Variants in ETV6 observed in about 807,000 individuals in gnomAD.
ETV6 encodes ETS variant transcription factor 6, also known as transcription factor ETV6.
ETV6 carries 16 observed loss-of-function variants against 51.1 expected under a neutral mutation model. That is an observed-to-expected ratio of 0.31 (90% confidence interval 0.21 to 0.48). ETV6 has a LOEUF of 0.48. Ranked by LOEUF, ETV6 falls within the 20% of genes least tolerant of loss-of-function variation. The probability of loss-of-function intolerance (pLI) is 0.99; values close to 1 mark genes in which losing one functional copy is unlikely to be tolerated. For synonymous variants in ETV6, 240 were observed against 224.1 expected, an observed-to-expected ratio of 1.07 and a Z score of -0.64; for missense variants, 458 against 594.8, an observed-to-expected ratio of 0.77 and a Z score of 2.39.
At chr12:11,675,538 A>G (rs905849334) in intron 1 of ETV6, among the ~76,000 whole-genome samples, 3 of 152,216 alleles carry the variant, frequency 2.0e-5, no homozygotes, top group Non-Finnish European at 2.9e-5. Flanking sequence ...TTGACCAGGT[A>G]TGGTGGCTCA....
rs775423897 is a variant in ETV6, at chr12:11,885,967, G to C, written c.1194G>C (p.Leu398=). ...NMTYEKMSRA[L]RHYYKLNIIR... is the part of the protein sequence containing the mutation. ...CCTATGAGAAAATGTCCAGAGCCCTGCGCCACTACTACAAACTAAACATTA... is the reference window on the plus strand; with the variant it reads ...CCTATGAGAAAATGTCCAGAGCCCTCCGCCACTACTACAAACTAAACATTA... Residue 398 remains leucine (L), a synonymous_variant, in exon 7 of 8, where the codon CTG becomes CTC. Transcript: ENST00000396373. The C allele has an allele frequency of 1.1e-5, 17 of 1,614,124 alleles. No homozygotes were observed. In the South Asian group the frequency reaches 1.4e-4, roughly 14 times the overall value.
intron 2 of ETV6, among the ~76,000 whole-genome samples, chr12:11,759,985 A>G (rs2136335915): frequency 6.6e-6 from 1 of 152,308 alleles, no homozygotes; most frequent in East Asian, 1.9e-4. Context: ...TCAGAGGTAA[A>G]CGTTAGCAGC....
chr12:11,679,047 A>G (rs186656735), intron 1 of ETV6, among the ~76,000 whole-genome samples: 2 of 152,368 alleles, frequency 1.3e-5, no homozygotes, highest in South Asian at 2.1e-4. Flanking sequence ...TGGGCACCCC[A>G]TAATCCGAGT....
chr12:11,763,854 T>C (rs540453123), intron 2 of ETV6, among the ~76,000 whole-genome samples: 23 of 152,374 alleles, frequency 1.5e-4, no homozygotes, highest in African/African-American at 5.5e-4. Context: ...AGAAAGTGGC[T>C]GCCTTCTAAA....
rs192456703 is a variant in ETV6 at position 11,819,331 on chromosome 12, C to T, written c.164-19809C>T. ...ATACCACTGTCCTCTGACTTGTCCC[C>T]GGTCTTGTCCCCTGCTGTTCCCTCC... On this transcript the variant is annotated intron_variant, in intron 2 of 7. Transcript: ENST00000396373. Among the ~76,000 whole-genome samples the T allele has an allele frequency of 4.5e-4, 69 of 152,306 alleles. 1 individual carries two copies. In the East Asian group the frequency reaches 0.013, roughly 28 times the overall value.
At chr12:11,840,407 C>G (rs764380523) in intron 3 of ETV6, 20 of 455,884 alleles carry the variant, frequency 4.4e-5, no homozygotes, top group Non-Finnish European at 8.8e-5. Flanking sequence ...ATGCCTCTTG[C>G]GGGATTAATT....
Position 11,650,039 on chromosome 12 carries a change from C to G in ETV6, c.-89C>G. ...GAAGAAACTTCTTAAATGACCGCGT[C>G]TGGCTGGCCGTGGAGCCTTTCTGGG... On this transcript the variant is annotated 5_prime_UTR_variant, in exon 1 of 8. Coordinates refer to ENST00000396373, the MANE Select transcript of ETV6 (RefSeq NM_001987.5). 8.3e-7 allele frequency: 1 copy of G among 1,203,588 alleles called. No homozygotes were observed. Among genetic ancestry groups the G allele is most frequent in the Non-Finnish European group, 1.2e-6 (1 of 809,196 alleles). 74.6% of individuals were successfully genotyped at this position (1,203,588 alleles called of 1,614,324 possible).
At chr12:11,763,743 C>T (rs1325752327) in intron 2 of ETV6, among the ~76,000 whole-genome samples, 4 of 152,228 alleles carry the variant, frequency 2.6e-5, no homozygotes, top group Admixed American at 6.5e-5. Flanking sequence ...GGGAAAAGAA[C>T]TTGAAATACA....
At chr12:11,724,203 A>G (rs57222202) in intron 1 of ETV6, among the ~76,000 whole-genome samples, 8,015 of 152,244 alleles carry the variant, frequency 0.053, 682 homozygotes, top group African/African-American at 0.18. Context: ...TTTCCCCTTG[A>G]CAGGTCCTGA....
chr12:11,790,630 A>G (rs917886652), intron 2 of ETV6, among the ~76,000 whole-genome samples: 40 of 126,474 alleles, frequency 3.2e-4, no homozygotes, highest in Admixed American at 4.7e-4. Context: ...TTAATCTTTC[A>G]TATAATTTCC....
chr12:11,664,536 C>T (rs1864159615), intron 1 of ETV6, among the ~76,000 whole-genome samples: 1 of 152,086 alleles, frequency 6.6e-6, no homozygotes, highest in Non-Finnish European at 1.5e-5. Context: ...ATGGTTCTGT[C>T]AAGTCACCTC....
intron 1 of ETV6, among the ~76,000 whole-genome samples, chr12:11,651,543 T>C (rs528497989): frequency 2.6e-5 from 4 of 152,346 alleles, no homozygotes; most frequent in Admixed American, 2.6e-4. Flanking sequence ...CTTTTGTGTT[T>C]GTACATAACT....
Position 11,793,331 on chromosome 12 carries a change from G to T in ETV6, c.163+40752G>T, listed in dbSNP as rs189681633. Among the ~76,000 whole-genome samples, 3 of 152,350 alleles carry T rather than the reference G, an allele frequency of 2.0e-5. No individual in the cohort carries two copies. In the East Asian group the frequency reaches 5.8e-4, roughly 29 times the overall value. On this transcript the variant is annotated intron_variant, in intron 2 of 7. Coordinates refer to ENST00000396373, the MANE Select transcript of ETV6 (RefSeq NM_001987.5). ...CCAACGGCAAGCTTGCTCATGAGTG[G>T]TGGAGCTCCCCTGTTCATTTAACCA...
intron 1 of ETV6, among the ~76,000 whole-genome samples, chr12:11,665,120 A>G (rs1864171140): frequency 6.6e-6 from 1 of 152,108 alleles, no homozygotes; most frequent in Admixed American, 6.6e-5. Context: ...TGATTCTCCC[A>G]TCTCAGCCTC....
intron 1 of ETV6, among the ~76,000 whole-genome samples, chr12:11,742,524 ATTGT>A (rs528389116): frequency 3.9e-5 from 6 of 152,280 alleles, no homozygotes; most frequent in Admixed American, 2.6e-4. Context: ...AGTATATAAG[ATTGT>A]TTGTATGTTA....
intron 6 of ETV6, among the ~76,000 whole-genome samples, chr12:11,885,222 T>A (rs1947166492): frequency 1.3e-5 from 2 of 152,204 alleles, no homozygotes; most frequent in South Asian, 4.1e-4. Flanking sequence ...GATGTTGGCA[T>A]GGTGGCACAA....
intron 2 of ETV6, among the ~76,000 whole-genome samples, chr12:11,799,963 G>T (rs1945724097): frequency 6.6e-6 from 1 of 152,126 alleles, no homozygotes; most frequent in African/African-American, 2.4e-5. Context: ...ACAAAGTGTT[G>T]CTATGTTGCC....
At position 11,893,273 on chromosome 12, in the gene ETV6, G is replaced by C. The variant is rs1189166866; in HGVS notation, c.*2227G>C. The C allele has an allele frequency of 8.6e-6, 2 of 232,634 alleles. No homozygotes were observed. Among genetic ancestry groups the C allele is most frequent in the Non-Finnish European group, 1.7e-5 (2 of 117,774 alleles). 14.4% of individuals were successfully genotyped at this position (232,634 alleles called of 1,614,324 possible). ...CCCTCTGTATGAATATGAAATCAGA[G>C]ACCAGGGCATGATGTTGCTAGGATT... is the stretch of plus-strand genomic sequence containing the variant. On this transcript the variant is annotated 3_prime_UTR_variant, in exon 8 of 8. Coordinates refer to ENST00000396373, the MANE Select transcript of ETV6 (RefSeq NM_001987.5).
intron 1 of ETV6, among the ~76,000 whole-genome samples, chr12:11,737,799 T>G (rs980296211): frequency 1.8e-4 from 27 of 152,344 alleles, no homozygotes; most frequent in Admixed American, 1.3e-3. Flanking sequence ...CAGGGCCTCA[T>G]CAGTCAGTCA....
Sources: gnomAD v4.1 joint callset for allele counts (sites outside exome capture counted in the v4.1 genomes callset) on GRCh38, gnomAD v4.1.1 for gene constraint, MANE v1.5 for transcripts, NCBI Gene and HGNC (gene_info 2026-07-23, HGNC 2026-07-21) for gene names.